Variants in PTPRK observed in about 807,000 individuals in gnomAD.
The protein encoded by PTPRK is receptor-type tyrosine-protein phosphatase kappa.
PTPRK carries 75 observed loss-of-function variants against 178.0 expected under a neutral mutation model. That is an observed-to-expected ratio of 0.42 (90% CI 0.35 to 0.51). The LOEUF (loss-of-function observed/expected upper bound fraction) is 0.51, where lower values mean the gene tolerates loss of function less well. Among genes scored for constraint, PTPRK ranks in the 20% least tolerant of loss-of-function variants. The probability of loss-of-function intolerance (pLI) is 0.02; values close to 1 mark genes in which losing one functional copy is unlikely to be tolerated. For synonymous variants in PTPRK, 637 were observed against 620.6 expected, an observed-to-expected ratio of 1.03 and a Z score of -0.39; for missense variants, 1,441 against 1,797.8, an observed-to-expected ratio of 0.80 and a Z score of 3.59.
rs190443012 is a variant in PTPRK, at chr6:128,363,033, T to G, written c.223+34533A>C. On this transcript the variant is annotated intron_variant, in intron 2 of 29. Coordinates refer to ENST00000368226, the MANE Select transcript of PTPRK (RefSeq NM_002844.4). ...AAGAATCACTGGGAATTCAGTAATG[T>G]AAGTCATATTTGCTTTAATTACCTT... Among the ~76,000 whole-genome samples the G allele has an allele frequency of 1.0e-3, 159 of 152,314 alleles. 1 individual carries two copies. The highest frequency in any genetic ancestry group is 3.1e-3 in the South Asian group (15 of 4,830).
At chr6:128,511,545 C>A (rs1857192056) in intron 1 of PTPRK, among the ~76,000 whole-genome samples, 1 of 152,088 alleles carries the variant, frequency 6.6e-6, no homozygotes, top group African/African-American at 2.4e-5. Context: ...CTATATGGAG[C>A]CTAAGAAGCT....
chr6:128,074,340 T>G (rs1783385525), intron 11 of PTPRK, among the ~76,000 whole-genome samples: 1 of 152,028 alleles, frequency 6.6e-6, no homozygotes, highest in African/African-American at 2.4e-5. Context: ...CTATTTTGTG[T>G]TTTTACAACA....
chr6:128,438,003 C>T (rs1006385924), intron 1 of PTPRK, among the ~76,000 whole-genome samples: 4 of 152,346 alleles, frequency 2.6e-5, no homozygotes, highest in African/African-American at 4.8e-5. Context: ...CCTGAACATC[C>T]GAAAAGTTGC....
At chr6:128,228,288 T>A (rs1263841320) in intron 5 of PTPRK, among the ~76,000 whole-genome samples, 2 of 151,638 alleles carry the variant, frequency 1.3e-5, no homozygotes, top group Non-Finnish European at 2.9e-5. Context: ...CAGGCAAAGA[T>A]CAAACAGAGA....
intron 1 of PTPRK, chr6:128,472,693 A>T (rs1315093051): frequency 2.8e-6 from 1 of 354,872 alleles, no homozygotes; most frequent in South Asian, 2.4e-5. Flanking sequence ...ATATTTCAAT[A>T]ATATATATTT....
chr6:128,505,952 C>T (rs951533652), intron 1 of PTPRK, among the ~76,000 whole-genome samples: 2 of 152,154 alleles, frequency 1.3e-5, no homozygotes, highest in African/African-American at 4.8e-5. Flanking sequence ...AGATTTGAAA[C>T]TACCTCATTG....
At chr6:128,485,679 T>A (rs1284188507) in intron 1 of PTPRK, among the ~76,000 whole-genome samples, 1 of 152,132 alleles carries the variant, frequency 6.6e-6, no homozygotes, top group East Asian at 1.9e-4. Context: ...GGAGTAGCTC[T>A]TCTAAGGGGA....
At chr6:128,468,232 T>C (rs1850142629) in intron 1 of PTPRK, among the ~76,000 whole-genome samples, 1 of 152,206 alleles carries the variant, frequency 6.6e-6, no homozygotes, top group Admixed American at 6.5e-5. Flanking sequence ...GAGCCACCAG[T>C]ACAAACGAAT....
chr6:128,117,502 G>A (rs1471812877), intron 7 of PTPRK, among the ~76,000 whole-genome samples: 1 of 152,138 alleles, frequency 6.6e-6, no homozygotes, highest in East Asian at 1.9e-4. Flanking sequence ...AACAAAAATA[G>A]TTGTTCCCCT....
intron 7 of PTPRK, among the ~76,000 whole-genome samples, chr6:128,144,210 C>T (rs746833104): frequency 1.1e-4 from 16 of 152,194 alleles, no homozygotes; most frequent in Middle Eastern, 3.4e-3. Flanking sequence ...GGACAAGCCC[C>T]TTCCCTGAAT....
At chr6:128,394,571 G>A (rs538062638) in intron 2 of PTPRK, among the ~76,000 whole-genome samples, 2 of 152,244 alleles carry the variant, frequency 1.3e-5, no homozygotes, top group East Asian at 3.9e-4. Flanking sequence ...TTAAGTAGGT[G>A]TTCATAATTT....
chr6:128,009,132 CT>C lies in PTPRK; in HGVS notation c.2330del (p.Lys777ArgfsTer19). 6.2e-7 allele frequency: 1 copy of C among 1,607,616 alleles called. No homozygotes were observed. Among genetic ancestry groups the C allele is most frequent in the Non-Finnish European group, 8.5e-7 (1 of 1,175,752 alleles). ...LLLVVILIVK[K>X]SKLAKKRKDA... ...GACAGGACAATATTAGGCCTTACCT[CT>C]TTTTTACAATTAATATGACAACTAG... On this transcript the variant is annotated frameshift_variant, in exon 14 of 30. Coordinates refer to ENST00000368226, the MANE Select transcript of PTPRK (RefSeq NM_002844.4). LOFTEE classifies it high-confidence loss of function.
At chr6:128,236,947 G>T (rs1446108410) in intron 5 of PTPRK, among the ~76,000 whole-genome samples, 1 of 151,918 alleles carries the variant, frequency 6.6e-6, no homozygotes. Context: ...TTCATTGTTT[G>T]TGTTTTTCCC....
intron 3 of PTPRK, among the ~76,000 whole-genome samples, chr6:128,258,372 T>C (rs1473356845): frequency 6.6e-6 from 1 of 152,118 alleles, no homozygotes; most frequent in Non-Finnish European, 1.5e-5. Flanking sequence ...TCATGCATGG[T>C]TTAACTGGCT....
intron 13 of PTPRK, among the ~76,000 whole-genome samples, chr6:128,012,831 A>G (rs1779198271): frequency 6.6e-6 from 1 of 151,434 alleles, no homozygotes; most frequent in African/African-American, 2.4e-5. Flanking sequence ...GAAGCCTGTA[A>G]GTACAATGTA....
chr6:128,518,357 T>G (rs780832818), intron 1 of PTPRK, among the ~76,000 whole-genome samples: 38 of 152,190 alleles, frequency 2.5e-4, no homozygotes, highest in African/African-American at 4.8e-5. Flanking sequence ...AAAAGCTCAT[T>G]TTCACATTCA....
chr6:128,034,269 C>A (rs1447134212), intron 13 of PTPRK, among the ~76,000 whole-genome samples: 1 of 152,196 alleles, frequency 6.6e-6, no homozygotes, highest in Non-Finnish European at 1.5e-5. Flanking sequence ...GCCCAATCAA[C>A]TTCTCCCTTG....
chr6:128,318,832 A>C (rs139602088), intron 3 of PTPRK, among the ~76,000 whole-genome samples: 2 of 152,326 alleles, frequency 1.3e-5, no homozygotes, highest in African/African-American at 2.4e-5. Context: ...ATGACACCTA[A>C]GGATTTGCGG....
At chr6:128,006,076 A>G (rs756928465) in intron 14 of PTPRK, 2 of 1,549,340 alleles carry the variant, frequency 1.3e-6, no homozygotes, top group Non-Finnish European at 1.8e-6. Flanking sequence ...AATCACAGAC[A>G]GTGGAAAAAG....
Sources: gnomAD v4.1 joint callset for allele counts (sites outside exome capture counted in the v4.1 genomes callset) on GRCh38, gnomAD v4.1.1 for gene constraint, MANE v1.5 for transcripts, NCBI Gene and HGNC (gene_info 2026-07-23, HGNC 2026-07-21) for gene names.